Variants in MARCHF8 observed in about 807,000 individuals in gnomAD.
MARCHF8 encodes the protein membrane associated ring-CH-type finger 8, also known as E3 ubiquitin-protein ligase MARCHF8.
In MARCHF8, 40 loss-of-function variants were observed where a neutral mutation model predicts 51.6. That is an observed-to-expected ratio of 0.77 (90% CI 0.60 to 1.01). MARCHF8 has a LOEUF of 1.01. MARCHF8 is among the 50% of genes least tolerant of loss of function. The pLI, the probability that MARCHF8 is intolerant of heterozygous loss-of-function variation, is 0.00. For missense variants in MARCHF8, 685 were observed against 708.6 expected, an observed-to-expected ratio of 0.97 and a Z score of 0.38; for synonymous variants, 263 against 280.3, an observed-to-expected ratio of 0.94 and a Z score of 0.62.
chr10:45,486,435 G>A (rs1394943963), intron 3 of MARCHF8, among the ~76,000 whole-genome samples: 4 of 152,190 alleles, frequency 2.6e-5, no homozygotes, highest in African/African-American at 4.8e-5. Flanking sequence ...GTGGTGGCAC[G>A]CACCTGTAAT....
At chr10:45,496,466 C>T (rs926930495) in intron 2 of MARCHF8, among the ~76,000 whole-genome samples, 1 of 152,006 alleles carries the variant, frequency 6.6e-6, no homozygotes, top group Non-Finnish European at 1.5e-5. Context: ...AGAGGGACTT[C>T]TACTATGAAA....
chr10:45,455,386 G>C lies in MARCHF8; in HGVS notation c.*2853C>G, dbSNP rs1194318342. 6.6e-6 allele frequency: 1 copy of C among 152,218 alleles called. No homozygotes were observed. The highest frequency in any genetic ancestry group is 1.5e-5 in the Non-Finnish European group (1 of 68,036). The allele number at this position is 152,218 out of a possible 1,614,324, so 9.4% of individuals were successfully genotyped here. A position where few individuals can be genotyped will look rare whatever the true frequency, so the allele number is the denominator to read the frequency against. ...GTACTGTGACTTATGGGGAGTAGAG[G>C]CCAAATCAGAGAGGGCTGGCTGGTG... is the stretch of plus-strand genomic sequence containing the variant. On this transcript the variant is annotated 3_prime_UTR_variant, in exon 8 of 8. Coordinates refer to ENST00000453424, the MANE Select transcript of MARCHF8 (RefSeq NM_001282866.2).
chr10:45,478,598 A>C (rs577698371), intron 3 of MARCHF8, among the ~76,000 whole-genome samples: 1 of 152,006 alleles, frequency 6.6e-6, no homozygotes, highest in Non-Finnish European at 1.5e-5. Context: ...GAAACAAAAA[A>C]TTAATTTTTT....
intron 2 of MARCHF8, among the ~76,000 whole-genome samples, chr10:45,529,654 G>A (rs1308413973): frequency 2.0e-5 from 3 of 152,146 alleles, no homozygotes; most frequent in Admixed American, 6.5e-5. Context: ...CAAAGGGCAT[G>A]AACACATATT....
rs1842606051 is a variant in MARCHF8, at chr10:45,456,347, C to T, written c.*1892G>A. The stretch of plus-strand genomic sequence containing the variant: ...AGGCTGACCTATTCTCAGGAGCTGG[C>T]TATGGCTGGACAGTGCCTGCCCGGC... On this transcript the variant is annotated 3_prime_UTR_variant, in exon 8 of 8. Transcript: ENST00000453424. 1 of 152,444 alleles carries T rather than the reference C, an allele frequency of 6.6e-6. No homozygotes were observed. The highest frequency in any genetic ancestry group is 2.4e-5 in the African/African-American group (1 of 41,434). The allele number at this position is 152,444 out of a possible 1,614,324, so 9.4% of individuals were successfully genotyped here.
chr10:45,526,295 G>C (rs1400275058), intron 2 of MARCHF8, among the ~76,000 whole-genome samples: 2 of 152,186 alleles, frequency 1.3e-5, no homozygotes, highest in Non-Finnish European at 2.9e-5. Context: ...TGCTCAGCCA[G>C]GATTGCTGAG....
intron 1 of MARCHF8, among the ~76,000 whole-genome samples, chr10:45,559,435 C>A (rs2044286195): frequency 6.6e-6 from 1 of 152,238 alleles, no homozygotes; most frequent in Admixed American, 6.5e-5. Context: ...AATCTCGGCT[C>A]ACTGCAACCT....
At chr10:45,582,906 A>G (rs1252161678) in intron 1 of MARCHF8, among the ~76,000 whole-genome samples, 3 of 152,182 alleles carry the variant, frequency 2.0e-5, no homozygotes, top group African/African-American at 7.2e-5. Flanking sequence ...CACTAACTAA[A>G]TATTTCTTAT....
At position 45,489,361 on chromosome 10, in the gene MARCHF8, C is replaced by T; in HGVS notation, c.153+6G>A. 1.2e-6 allele frequency: 2 copies of T among 1,610,432 alleles called. No individual in the cohort carries two copies. Among genetic ancestry groups the T allele is most frequent in the African/African-American group, 1.3e-5 (1 of 74,822 alleles). On this transcript the variant is annotated splice_donor_region_variant and intron_variant, in intron 3 of 7. Coordinates refer to ENST00000453424, the MANE Select transcript of MARCHF8 (RefSeq NM_001282866.2). ...TAATAAATAACATTTTTCAGTGGCA[C>T]TCTACCTTAGAAATGTTGCTTGAAT...
In MARCHF8 at chr10:45,575,832, AT is replaced by A. The variant is rs367651374; in HGVS notation, c.-79+18402del. On this transcript the variant is annotated intron_variant, in intron 1 of 6. Transcript: ENST00000319836. Reference sequence around the variant, plus strand: ...GCCTGTTCCTGCCTTAACTGATGACATTACCTTGTGAAATTCCTTCTCCTGG... The same window carrying A: ...GCCTGTTCCTGCCTTAACTGATGACATACCTTGTGAAATTCCTTCTCCTGG... 3.0e-3 allele frequency among the ~76,000 whole-genome samples: 461 copies of A among 152,262 alleles called. 3 individuals carry two copies. The highest frequency in any genetic ancestry group is 0.011 in the African/African-American group (440 of 41,528).
intron 1 of MARCHF8, among the ~76,000 whole-genome samples, chr10:45,534,200 C>CAAAAAA (rs372882732): frequency 7.2e-6 from 1 of 139,094 alleles, no homozygotes. Flanking sequence ...TCCCCCCCAC[C>CAAAAAA]AAAAAAAAAA....
intron 1 of MARCHF8, among the ~76,000 whole-genome samples, chr10:45,584,126 C>CATATATATATATATATAT (rs55978063): frequency 1.2e-5 from 1 of 85,356 alleles, no homozygotes; most frequent in African/African-American, 4.5e-5. Flanking sequence ...TATATACAAT[C>CATATATATATATATATAT]ATATATATAT....
intron 1 of MARCHF8, among the ~76,000 whole-genome samples, chr10:45,548,178 T>C (rs957110781): frequency 5.3e-5 from 8 of 152,176 alleles, no homozygotes; most frequent in African/African-American, 1.9e-4. Flanking sequence ...CCATAAAAAC[T>C]GGGCCCCTAA....
intron 2 of MARCHF8, among the ~76,000 whole-genome samples, chr10:45,514,664 G>A (rs1202540688): frequency 6.6e-6 from 1 of 152,228 alleles, no homozygotes; most frequent in Non-Finnish European, 1.5e-5. Flanking sequence ...AATCTGCAAT[G>A]TAACGATTCT....
chr10:45,479,768 A>T (rs1399021620), intron 3 of MARCHF8, among the ~76,000 whole-genome samples: 1 of 152,210 alleles, frequency 6.6e-6, no homozygotes, highest in Non-Finnish European at 1.5e-5. Flanking sequence ...TTTAAAAATT[A>T]TCCAGTCTTG....
At chr10:45,564,876 T>A (rs1357916751) in intron 1 of MARCHF8, among the ~76,000 whole-genome samples, 3 of 147,294 alleles carry the variant, frequency 2.0e-5, no homozygotes, top group African/African-American at 7.6e-5. Flanking sequence ...GAACTCCACA[T>A]GCAGCAAAAA....
At chr10:45,538,320 C>T (rs2044002956), upstream of MARCHF8, among the ~76,000 whole-genome samples, 1 of 152,112 alleles carries the variant, frequency 6.6e-6, no homozygotes, top group Non-Finnish European at 1.5e-5. Flanking sequence ...GAAGGAAGCA[C>T]TAAACATGGA....
intron 3 of MARCHF8, among the ~76,000 whole-genome samples, chr10:45,486,434 C>T (rs1402213126): frequency 3.3e-5 from 5 of 152,018 alleles, no homozygotes; most frequent in African/African-American, 1.2e-4. Flanking sequence ...CGTGGTGGCA[C>T]GCACCTGTAA....
chr10:45,570,243 AC>A (rs1198204441), intron 1 of MARCHF8, among the ~76,000 whole-genome samples: 1 of 152,344 alleles, frequency 6.6e-6, no homozygotes, highest in East Asian at 1.9e-4. Flanking sequence ...GGTGATTAAC[AC>A]AGATGAAAAC....
Sources: allele counts gnomAD v4.1 joint callset (sites outside exome capture counted in the v4.1 genomes callset), GRCh38; gene constraint gnomAD v4.1.1; transcripts MANE v1.5; gene names NCBI Gene and HGNC (gene_info 2026-07-23, HGNC 2026-07-21).